The following EYS variants were observed in gnomAD, a reference collection of about 807,000 sequenced individuals.
EYS encodes the protein EGF-like photoreceptor maintenance factor.
EYS carries 250 observed loss-of-function variants against 282.1 expected under a neutral mutation model. The ratio of observed to expected loss-of-function variants is 0.89; its 90% CI spans 0.80 to 0.98. EYS has a LOEUF of 0.98. Ranked by LOEUF, EYS falls within the 50% of genes least tolerant of loss-of-function variation. The pLI is 0.00. For missense variants in EYS, 4,016 were observed against 3,709.0 expected (o/e 1.08, Z -2.15); for synonymous variants, 1,355 against 1,282.9 (o/e 1.06, Z -1.20).
In EYS at chr6:64,648,227, G is replaced by A. The variant is rs541286353; in HGVS notation, c.3444-21982C>T. Among the ~76,000 whole-genome samples, 37 of 152,228 alleles carry A rather than the reference G, an allele frequency of 2.4e-4. No individual in the cohort carries two copies. The South Asian group carries it at 3.1e-3, about 13-fold the overall frequency. On this transcript the variant is annotated intron_variant, in intron 22 of 42. Transcript: ENST00000503581. The stretch of plus-strand genomic sequence containing the variant: ...AGGGGCAGAAACAGCTGAGCTCCTT[G>A]CCCTCCCCCTGGTCTTACTAGTTTC...
At chr6:64,077,233 A>G (rs1771805289) in intron 32 of EYS, among the ~76,000 whole-genome samples, 1 of 152,040 alleles carries the variant, frequency 6.6e-6, no homozygotes, top group Non-Finnish European at 1.5e-5. Flanking sequence ...AAAACAACTG[A>G]GCAATCTTTT....
intron 12 of EYS, among the ~76,000 whole-genome samples, chr6:65,059,207 G>T (rs1773500990): frequency 6.6e-6 from 1 of 151,904 alleles, no homozygotes; most frequent in African/African-American, 2.4e-5. Context: ...GAACCCTACT[G>T]TCAAAGCAAA....
chr6:65,440,858 T>C (rs138408771), intron 5 of EYS, among the ~76,000 whole-genome samples: 1 of 147,094 alleles, frequency 6.8e-6, no homozygotes, highest in East Asian at 1.9e-4. Flanking sequence ...TATATATATA[T>C]ATAGATTTAT....
At chr6:65,206,392 T>G (rs1766034117) in intron 12 of EYS, among the ~76,000 whole-genome samples, 1 of 148,842 alleles carries the variant, frequency 6.7e-6, no homozygotes, top group Non-Finnish European at 1.5e-5. Context: ...TTGAATCAAT[T>G]AAAAAAAAAA....
At chr6:65,352,660 C>T (rs964859650) in intron 9 of EYS, among the ~76,000 whole-genome samples, 1 of 151,848 alleles carries the variant, frequency 6.6e-6, no homozygotes, top group Non-Finnish European at 1.5e-5. Flanking sequence ...TTTCAAGCTT[C>T]CAGCATTATG....
At chr6:63,874,636 T>C (rs540535451) in intron 35 of EYS, among the ~76,000 whole-genome samples, 10 of 152,228 alleles carry the variant, frequency 6.6e-5, no homozygotes, top group Non-Finnish European at 1.2e-4. Flanking sequence ...GAGCATGGAA[T>C]GTTCTTCCAT....
intron 1 of EYS, among the ~76,000 whole-genome samples, chr6:65,669,729 G>A (rs890472629): frequency 6.6e-6 from 1 of 151,982 alleles, no homozygotes; most frequent in African/African-American, 2.4e-5. Flanking sequence ...GTAAACTCCT[G>A]TTTCCCTCAT....
intron 35 of EYS, among the ~76,000 whole-genome samples, chr6:63,895,584 A>G (rs949565394): frequency 1.3e-5 from 2 of 152,222 alleles, no homozygotes; most frequent in African/African-American, 2.4e-5. Flanking sequence ...GGTTTTACCT[A>G]TTCTGGTCAT....
chr6:64,689,509 G>A (rs1209572496), intron 22 of EYS, among the ~76,000 whole-genome samples: 8 of 151,516 alleles, frequency 5.3e-5, no homozygotes, highest in Admixed American at 2.6e-4. Context: ...AGAAGAGCCC[G>A]CATTGCCAAG....
At chr6:64,418,168 A>T (rs1774119273) in intron 28 of EYS, among the ~76,000 whole-genome samples, 1 of 152,160 alleles carries the variant, frequency 6.6e-6, no homozygotes, top group Non-Finnish European at 1.5e-5. Context: ...GGTCTCAAAC[A>T]GAAGAGGCTA....
At chr6:65,411,906 T>C (rs1767033192) in intron 5 of EYS, among the ~76,000 whole-genome samples, 1 of 151,998 alleles carries the variant, frequency 6.6e-6, no homozygotes, top group African/African-American at 2.4e-5. Flanking sequence ...AAGGACACTT[T>C]TATTGTTTCC....
chr6:65,030,209 T>TC, intron 13 of EYS, among the ~76,000 whole-genome samples: 1 of 152,082 alleles, frequency 6.6e-6, no homozygotes, highest in Non-Finnish European at 1.5e-5. Context: ...ACCTGAGCTT[T>TC]CCCTTCTCTG....
chr6:64,023,676 G>T (rs552668715), intron 33 of EYS, among the ~76,000 whole-genome samples: 32 of 152,252 alleles, frequency 2.1e-4, no homozygotes, highest in Non-Finnish European at 3.5e-4. Flanking sequence ...CACTTTGGCG[G>T]CACTTGGGGA....
At chr6:64,716,107 A>G (rs545406649) in intron 22 of EYS, among the ~76,000 whole-genome samples, 1 of 152,294 alleles carries the variant, frequency 6.6e-6, no homozygotes, top group South Asian at 2.1e-4. Flanking sequence ...TGATAATTTT[A>G]ATCACACCCT....
intron 31 of EYS, among the ~76,000 whole-genome samples, chr6:64,171,629 C>G (rs114052945): frequency 0.31 from 47,081 of 151,328 alleles, 7,334 homozygotes; most frequent in East Asian, 0.51. Flanking sequence ...ATTGATATAA[C>G]AGTCTTCCAC....
chr6:65,170,687 C>G (rs1438132575), intron 12 of EYS, among the ~76,000 whole-genome samples: 1 of 151,250 alleles, frequency 6.6e-6, no homozygotes, highest in Non-Finnish European at 1.5e-5. Flanking sequence ...ATACTTGAAA[C>G]CTGAGGAAGC....
At chr6:64,485,773 T>G (rs1327031495) in intron 26 of EYS, among the ~76,000 whole-genome samples, 1 of 151,500 alleles carries the variant, frequency 6.6e-6, no homozygotes, top group Non-Finnish European at 1.5e-5. Flanking sequence ...GCACTTCAGA[T>G]GGACTGAATT....
intron 22 of EYS, among the ~76,000 whole-genome samples, chr6:64,711,121 G>A (rs1019833893): frequency 8.6e-5 from 13 of 152,040 alleles, no homozygotes; most frequent in Admixed American, 2.6e-4. Flanking sequence ...GTAATTAGGC[G>A]TCTCATTACT....
intron 22 of EYS, among the ~76,000 whole-genome samples, chr6:64,651,205 C>T (rs1260019612): frequency 3.9e-5 from 6 of 152,012 alleles, no homozygotes; most frequent in East Asian, 3.9e-4. Flanking sequence ...AGAATGGTTA[C>T]GTATCACTCT....
Sources: gnomAD v4.1 joint callset for allele counts (sites outside exome capture counted in the v4.1 genomes callset) on GRCh38, gnomAD v4.1.1 for gene constraint, MANE v1.5 for transcripts, NCBI Gene and HGNC (gene_info 2026-07-23, HGNC 2026-07-21) for gene names.